TENM3: variants seen among roughly 807,000 people sequenced by gnomAD.
TENM3 encodes the protein teneurin-3.
Under a neutral mutation model 255.1 loss-of-function variants are expected in TENM3, and 63 were observed. The ratio of observed to expected loss-of-function variants is 0.25; its 90% CI spans 0.20 to 0.30. TENM3 has a LOEUF of 0.30. Among genes scored for constraint, TENM3 ranks in the 10% least tolerant of loss-of-function variants. The pLI is 1.00. For missense variants in TENM3, 2,929 were observed against 3,461.1 expected, an observed-to-expected ratio of 0.85 and a Z score of 3.86; for synonymous variants, 1,306 against 1,322.3, an observed-to-expected ratio of 0.99 and a Z score of 0.27.
At chr4:182,725,626 T>TC (rs1478191716) in intron 13 of TENM3, among the ~76,000 whole-genome samples, 2 of 8,104 alleles carry the variant, frequency 2.5e-4, no homozygotes, top group East Asian at 3.3e-3. Flanking sequence ...GATTTTCTTT[T>TC]CTTTTTTTTC....
chr4:181,723,705 G>C, the TENM3 span, among the ~76,000 whole-genome samples: 1 of 151,940 alleles, frequency 6.6e-6, no homozygotes, highest in Non-Finnish European at 1.5e-5. Flanking sequence ...GTTTCACAGT[G>C]ATGTGCACCA....
rs571088298 is a variant in TENM3, at chr4:182,433,957, A to C, written c.511+87028A>C. Among the ~76,000 whole-genome samples the C allele has an allele frequency of 3.0e-4, 46 of 152,226 alleles. 1 individual carries two copies. In the South Asian group the frequency reaches 6.9e-3, roughly 23 times the overall value. On this transcript the variant is annotated intron_variant, in intron 3 of 27. Transcript: ENST00000511685. Reference sequence around the variant, plus strand: ...TAGTGGGAACCCACCTCTACAAAACATTTTAAAAATTAGGCTAGCATGGTG... The same window carrying C: ...TAGTGGGAACCCACCTCTACAAAACCTTTTAAAAATTAGGCTAGCATGGTG...
At chr4:182,466,165 G>A (rs1649448215) in intron 3 of TENM3, among the ~76,000 whole-genome samples, 1 of 152,156 alleles carries the variant, frequency 6.6e-6, no homozygotes, top group Non-Finnish European at 1.5e-5. Context: ...GCATTTAAGG[G>A]TATGATTGTT....
At chr4:182,039,064 G>A in the TENM3 span, among the ~76,000 whole-genome samples, 102,608 of 151,852 alleles carry the variant, frequency 0.68, 35,590 homozygotes, top group South Asian at 0.79. Context: ...GATGAAATTC[G>A]AATCCAACTT....
At chr4:181,929,854 G>C in the TENM3 span, among the ~76,000 whole-genome samples, 1 of 152,126 alleles carries the variant, frequency 6.6e-6, no homozygotes, top group Non-Finnish European at 1.5e-5. Flanking sequence ...AATCAAATTA[G>C]AGCTCAGGAT....
chr4:182,207,496 A>G (rs1754664809), intron 1 of TENM3, among the ~76,000 whole-genome samples: 1 of 152,170 alleles, frequency 6.6e-6, no homozygotes. Flanking sequence ...ATGCAAAAAG[A>G]TATGTGGCGG....
At chr4:181,951,238 T>C in the TENM3 span, among the ~76,000 whole-genome samples, 50 of 152,350 alleles carry the variant, frequency 3.3e-4, no homozygotes, top group African/African-American at 1.1e-3. Flanking sequence ...ACATTTTTTT[T>C]CTTCCACTCC....
intron 3 of TENM3, among the ~76,000 whole-genome samples, chr4:182,562,410 A>G (rs568358267): frequency 5.4e-4 from 82 of 152,284 alleles, no homozygotes; most frequent in Non-Finnish European, 9.7e-4. Flanking sequence ...TAGGACTTCT[A>G]TCCTCCACAA....
chr4:181,851,774 T>G, the TENM3 span, among the ~76,000 whole-genome samples: 14 of 152,274 alleles, frequency 9.2e-5, no homozygotes, highest in Non-Finnish European at 1.6e-4. Flanking sequence ...ACATCAGTAC[T>G]GTGTAGGGTT....
chr4:182,439,384 C>T (rs1364154070), intron 3 of TENM3, among the ~76,000 whole-genome samples: 1 of 152,168 alleles, frequency 6.6e-6, no homozygotes, highest in Non-Finnish European at 1.5e-5. Context: ...TTTTATAAAC[C>T]AAGACAGACC....
rs112824684 is a variant in TENM3 at position 182,719,885 on chromosome 4, G to A, written c.2368+5652G>A. On this transcript the variant is annotated intron_variant, in intron 13 of 27. Coordinates refer to ENST00000511685, the MANE Select transcript of TENM3 (RefSeq NM_001080477.4). Reference sequence around the variant, plus strand: ...ATATCAGCCTGGCCAGCGTAGCAAGGCCCCATCTCTACAAAAAATATAAAA... The same window carrying A: ...ATATCAGCCTGGCCAGCGTAGCAAGACCCCATCTCTACAAAAAATATAAAA... Among the ~76,000 whole-genome samples, 353 of 151,982 alleles carry A rather than the reference G, an allele frequency of 2.3e-3. 6 individuals are homozygous for A. Among genetic ancestry groups the A allele is most frequent in the South Asian group, 0.021 (101 of 4,798 alleles).
At chr4:182,662,287 T>C (rs1233454225) in intron 6 of TENM3, among the ~76,000 whole-genome samples, 1 of 152,068 alleles carries the variant, frequency 6.6e-6, no homozygotes, top group Non-Finnish European at 1.5e-5. Context: ...TACTTACTGA[T>C]GAAAGAAAAA....
the TENM3 span, among the ~76,000 whole-genome samples, chr4:182,095,851 T>C: frequency 6.6e-6 from 1 of 151,800 alleles, no homozygotes; most frequent in Non-Finnish European, 1.5e-5. Flanking sequence ...GTATAACTAT[T>C]ATATGTCCAT....
chr4:182,729,104 C>G lies in TENM3; in HGVS notation c.2508C>G (p.Ser836=). Reference sequence around the variant, plus strand: ...CGCCTTCTCAGCAAGCTGCCAAATCCTTTTATGATCGAATCAGTTTCCTTA... The same window carrying G: ...CGCCTTCTCAGCAAGCTGCCAAATCGTTTTATGATCGAATCAGTTTCCTTA... The part of the protein sequence containing the change: ...LQSPSQQAAK[S]FYDRISFLIG... Residue 836 remains serine, a synonymous_variant, in exon 14 of 28, where the codon TCC becomes TCG. Transcript: ENST00000511685. 1 of 1,614,022 alleles carries G rather than the reference C, an allele frequency of 6.2e-7. No homozygotes were observed. The highest frequency in any genetic ancestry group is 8.5e-7 in the Non-Finnish European group (1 of 1,179,904).
the TENM3 span, among the ~76,000 whole-genome samples, chr4:181,718,305 A>G: frequency 6.6e-6 from 1 of 152,126 alleles, no homozygotes; most frequent in Non-Finnish European, 1.5e-5. Context: ...CTGCTTTTGG[A>G]TCATACACCA....
At chr4:181,638,262 T>C in the TENM3 span, among the ~76,000 whole-genome samples, 1 of 152,188 alleles carries the variant, frequency 6.6e-6, no homozygotes, top group Non-Finnish European at 1.5e-5. Flanking sequence ...AAATAAGTAA[T>C]TAAATCACGA....
chr4:182,632,741 G>A (rs942996816), intron 5 of TENM3, among the ~76,000 whole-genome samples: 2 of 152,024 alleles, frequency 1.3e-5, no homozygotes, highest in African/African-American at 2.4e-5. Flanking sequence ...GTCGTCAAAT[G>A]TATTTTTCCC....
At chr4:182,381,812 C>T (rs534949628) in intron 3 of TENM3, among the ~76,000 whole-genome samples, 13 of 152,266 alleles carry the variant, frequency 8.5e-5, no homozygotes, top group Admixed American at 3.3e-4. Flanking sequence ...CTGCCCGCAT[C>T]GGCCTCCCAA....
chr4:182,438,921 C>T (rs149092324), intron 3 of TENM3, among the ~76,000 whole-genome samples: 3 of 152,250 alleles, frequency 2.0e-5, no homozygotes, highest in African/African-American at 4.8e-5. Context: ...CATATTTTTA[C>T]AGTGGTTTCT....
Sources: allele counts gnomAD v4.1 joint callset (sites outside exome capture counted in the v4.1 genomes callset), GRCh38; gene constraint gnomAD v4.1.1; transcripts MANE v1.5; gene names NCBI Gene and HGNC (gene_info 2026-07-23, HGNC 2026-07-21).